The following ATIC variants were observed in gnomAD, a reference collection of about 807,000 sequenced individuals.
The protein encoded by ATIC is bifunctional purine biosynthesis protein ATIC.
A neutral mutation model predicts 72.5 loss-of-function variants in ATIC; 64 were observed. The observed-to-expected ratio is 0.88, with a 90% CI of 0.72 to 1.09. The LOEUF (loss-of-function observed/expected upper bound fraction) is 1.09, where lower values mean the gene tolerates loss of function less well. ATIC is among the 50% of genes least tolerant of loss of function. The probability of loss-of-function intolerance (pLI) is 0.00; values close to 1 mark genes in which losing one functional copy is unlikely to be tolerated. For synonymous variants in ATIC, 281 were observed against 267.1 expected (o/e 1.05, Z -0.51); for missense variants, 787 against 732.4 (o/e 1.07, Z -0.86).
intron 12 of ATIC, among the ~76,000 whole-genome samples, chr2:215,343,178 A>G (rs1338506459): frequency 6.6e-6 from 1 of 150,376 alleles, no homozygotes; most frequent in African/African-American, 2.5e-5. Flanking sequence ...TTTTAAAGAC[A>G]TGGGATAGTT....
intron 9 of ATIC, 60 bp downstream of exon 9, chr2:215,333,517 A>C: frequency 7.2e-7 from 1 of 1,386,622 alleles, no homozygotes; most frequent in Non-Finnish European, 1.0e-6. Flanking sequence ...TTTATCCTAA[A>C]TAGAATAAAG....
chr2:215,367,161 C>T, the ATIC span, among the ~76,000 whole-genome samples: 1 of 152,188 alleles, frequency 6.6e-6, no homozygotes, highest in Non-Finnish European at 1.5e-5. Context: ...ATAATCATCA[C>T]ATCTCCTAAA....
chr2:215,328,099 C>A (rs1217520112), intron 7 of ATIC, among the ~76,000 whole-genome samples: 1 of 151,740 alleles, frequency 6.6e-6, no homozygotes, highest in African/African-American at 2.4e-5. Flanking sequence ...GTCTCAAACT[C>A]CTGACCTCAA....
chr2:215,345,245 C>T (rs1053876090), intron 13 of ATIC: 9 of 331,212 alleles, frequency 2.7e-5, no homozygotes, highest in Middle Eastern at 1.0e-3. Context: ...TATATTTTTG[C>T]AGCCTGCAGG....
In ATIC at chr2:215,348,965, A is replaced by AT. The variant is rs1441993423; in HGVS notation, c.1504-129_1504-128insT. 280 of 796,652 alleles carry AT rather than the reference A, an allele frequency of 3.5e-4. No individual in the cohort carries two copies. The African/African-American group carries it at 3.8e-3, about 11-fold the overall frequency. The allele number at this position is 796,652 out of a possible 1,614,324, so 49.3% of individuals were successfully genotyped here. On this transcript the variant is annotated intron_variant, in intron 14 of 15. Transcript: ENST00000236959. ...GTGCAAAACTCCGTCTAAAAAAAAA[A>AT]AAATAATAATAATAATAAAAACAAG... is the stretch of plus-strand genomic sequence containing the variant.
chr2:215,318,034 A>G, intron 2 of ATIC, 123 bp from the exon 3 acceptor site: 3 of 861,914 alleles, frequency 3.5e-6, no homozygotes, highest in South Asian at 2.9e-5. Context: ...ACTTTAAAAA[A>G]TCAGAATTTT....
rs766063365 is a variant in ATIC at position 215,349,196 on chromosome 2, A to T, written c.1606A>T (p.Ile536Phe). The T allele has an allele frequency of 2.5e-6, 4 of 1,614,220 alleles. No homozygotes were observed. In the Admixed American group the frequency reaches 5.0e-5, roughly 20 times the overall value. Residue 536 changes from isoleucine (I) to phenylalanine (F), a missense_variant, in exon 15 of 16, where the codon ATC becomes TTC. Physicochemically the swap from Ile to Phe is conservative, Grantham distance 21. Coordinates refer to ENST00000236959, the MANE Select transcript of ATIC (RefSeq NM_004044.7). ...EWVEKLTEVSISSDAFFPFRD... is the reference protein window; with the variant it reads ...EWVEKLTEVSFSSDAFFPFRD... ...GGTTGAGAAACTGACTGAAGTTTCTATCAGCTCTGATGCCTTCTTCCCTTT... is the reference window on the plus strand; with the variant it reads ...GGTTGAGAAACTGACTGAAGTTTCTTTCAGCTCTGATGCCTTCTTCCCTTT...
At chr2:215,363,223 C>G in the ATIC span, 1 of 152,048 alleles carries the variant, frequency 6.6e-6, no homozygotes, top group Non-Finnish European at 1.5e-5. Context: ...GAATAAGTGT[C>G]GCACATGAAA....
At chr2:215,325,719 C>T (rs938234666) in intron 5 of ATIC, among the ~76,000 whole-genome samples, 5 of 151,966 alleles carry the variant, frequency 3.3e-5, no homozygotes, top group Non-Finnish European at 5.9e-5. Flanking sequence ...CACACCACCA[C>T]GCCTGGCTAA....
In ATIC at chr2:215,326,070, T is replaced by C; in HGVS notation, c.463T>C (p.Ser155Pro). ...TGAACCAGAGGACTATGTGGTGGTG[T>C]CCACGGAGATGCAGAGCTCCGAGAG... ...VCEPEDYVVV[S>P]TEMQSSESKD... The change falls in exon 6 of 16, where the codon TCC becomes CCC. Residue 155 changes from serine (S) to proline (P), a missense_variant. Physicochemically the swap from Ser to Pro is moderately conservative, Grantham distance 74. Transcript: ENST00000236959. 1 of 1,614,112 alleles carries C rather than the reference T, an allele frequency of 6.2e-7. No individual in the cohort carries two copies. Among genetic ancestry groups the C allele is most frequent in the Non-Finnish European group, 8.5e-7 (1 of 1,180,012 alleles).
the ATIC span, chr2:215,365,733 T>A: frequency 9.8e-7 from 1 of 1,016,734 alleles, no homozygotes; most frequent in Admixed American, 2.0e-5. Context: ...AGAACCATGA[T>A]CTGGAAAAAT....
At chr2:215,335,989 T>G (rs1412451970) in intron 10 of ATIC, 46 bp from the exon 11 acceptor site, 3 of 1,448,518 alleles carry the variant, frequency 2.1e-6, no homozygotes, top group Non-Finnish European at 2.9e-6. Flanking sequence ...TTAAGAGGTG[T>G]TCTCTGATTT....
intron 13 of ATIC, 45 bp from the exon 14 acceptor site, chr2:215,346,714 A>T (rs768314609): frequency 1.2e-6 from 2 of 1,603,172 alleles, no homozygotes; most frequent in Non-Finnish European, 1.7e-6. Flanking sequence ...TTGAGAAGAA[A>T]GTGTCTTTGG....
In ATIC at chr2:215,347,686, T is replaced by C. The variant is rs1376039107; in HGVS notation, c.1503+745T>C. 1.3e-4 allele frequency: 63 copies of C among 482,142 alleles called. 3 individuals are homozygous for C. Among genetic ancestry groups the C allele is most frequent in the South Asian group, 9.6e-4 (61 of 63,850 alleles). 29.9% of individuals were successfully genotyped at this position (482,142 alleles called of 1,614,324 possible). On this transcript the variant is annotated intron_variant, in intron 14 of 15. Transcript: ENST00000236959. ...CAGAATGTAACTGAAGTCCTTAAGA[T>C]ATCTTTTTTTTTTCAACTTTGATAC...
chr2:215,333,058 GAGAA>G (rs990195919), intron 8 of ATIC, among the ~76,000 whole-genome samples: 38 of 152,254 alleles, frequency 2.5e-4, no homozygotes, highest in African/African-American at 8.9e-4. Context: ...GCAGAACAGA[GAGAA>G]AGAGTGAGTC....
At chr2:215,317,137 C>T (rs1009405492) in intron 2 of ATIC, among the ~76,000 whole-genome samples, 14 of 152,252 alleles carry the variant, frequency 9.2e-5, no homozygotes, top group African/African-American at 1.7e-4. Context: ...CCAGAGTGTT[C>T]GTGGTTACGA....
At chr2:215,319,773 C>T (rs748166811) in intron 4 of ATIC, 42 bp downstream of exon 4, 20 of 1,477,738 alleles carry the variant, frequency 1.4e-5, no homozygotes, top group Admixed American at 5.1e-5. Flanking sequence ...TACGAACCAA[C>T]GACAAAGACT....
chr2:215,368,022 C>G, the ATIC span: 2 of 1,614,058 alleles, frequency 1.2e-6, no homozygotes, highest in Non-Finnish European at 1.7e-6. Flanking sequence ...TTCAAGCCTT[C>G]GTTGACTATG....
intron 1 of ATIC, 113 bp from the exon 2 acceptor site, chr2:215,312,385 G>A (rs1165962445): frequency 1.3e-6 from 2 of 1,581,282 alleles, no homozygotes; most frequent in Non-Finnish European, 1.7e-6. Flanking sequence ...CGAACGCAGG[G>A]TCCAGGTGCT....
Sources: gnomAD v4.1 joint callset for allele counts (sites outside exome capture counted in the v4.1 genomes callset) on GRCh38, gnomAD v4.1.1 for gene constraint, MANE v1.5 for transcripts, NCBI Gene and HGNC (gene_info 2026-07-23, HGNC 2026-07-21) for gene names.